Variants in ZNF385D observed in about 807,000 individuals in gnomAD.
ZNF385D encodes zinc finger protein 385D, also known as zinc finger protein 659.
In ZNF385D, 15 loss-of-function variants were observed where a neutral mutation model predicts 35.8. The ratio of observed to expected loss-of-function variants is 0.42; its 90% CI spans 0.28 to 0.64. The LOEUF is 0.64. ZNF385D is among the 30% of genes least tolerant of loss of function. The pLI, the probability that ZNF385D is intolerant of heterozygous loss-of-function variation, is 0.23. For synonymous variants in ZNF385D, 212 were observed against 186.8 expected, an observed-to-expected ratio of 1.13 and a Z score of -1.10; for missense variants, 474 against 494.6, an observed-to-expected ratio of 0.96 and a Z score of 0.39.
intron 1 of ZNF385D, among the ~76,000 whole-genome samples, chr3:21,667,399 C>T (rs1165906242): frequency 6.6e-6 from 1 of 152,070 alleles, no homozygotes; most frequent in East Asian, 1.9e-4. Flanking sequence ...TGAGCTCAAG[C>T]AATCCACCCA....
chr3:21,939,676 T>A (rs898361518), intron 3 of ZNF385D, among the ~76,000 whole-genome samples: 1 of 152,170 alleles, frequency 6.6e-6, no homozygotes, highest in Non-Finnish European at 1.5e-5. Flanking sequence ...ATTAGAAATG[T>A]CTTAAAACAA....
chr3:22,017,777 T>C (rs765878697), intron 3 of ZNF385D, among the ~76,000 whole-genome samples: 1 of 151,990 alleles, frequency 6.6e-6, no homozygotes, highest in Non-Finnish European at 1.5e-5. Context: ...TAGCACACCT[T>C]GTTTCTAACA....
chr3:21,913,990 C>T (rs1341205064), intron 3 of ZNF385D, among the ~76,000 whole-genome samples: 1 of 152,024 alleles, frequency 6.6e-6, no homozygotes, highest in Non-Finnish European at 1.5e-5. Flanking sequence ...AGATTTGCAG[C>T]TTGTTTGGTT....
intron 3 of ZNF385D, among the ~76,000 whole-genome samples, chr3:21,980,610 T>C (rs192114083): frequency 4.6e-5 from 7 of 152,156 alleles, no homozygotes; most frequent in South Asian, 2.1e-4. Context: ...TATGAAAATT[T>C]TGTTACATAA....
chr3:21,647,675 G>A (rs1012595543), intron 2 of ZNF385D, among the ~76,000 whole-genome samples: 5 of 152,102 alleles, frequency 3.3e-5, no homozygotes, highest in African/African-American at 1.2e-4. Flanking sequence ...GGTAAAATAT[G>A]TTTCTCCCTT....
chr3:22,123,922 ATCTCTCTCTC>A lies in ZNF385D; in HGVS notation c.325+44885_325+44894del, dbSNP rs34781505. On this transcript the variant is annotated intron_variant, in intron 3 of 5. Coordinates refer to the ZNF385D transcript ENST00000494108. ...AAAACAAAAACTAGAGCTAGACTCC[ATCTCTCTCTC>A]TCTCTCTCTCTCTCTCTCTCTCTCT... 3.6e-3 allele frequency among the ~76,000 whole-genome samples: 285 copies of A among 80,234 alleles called. 1 individual carries two copies. Among genetic ancestry groups the A allele is most frequent in the Non-Finnish European group, 4.0e-3 (173 of 42,918 alleles). 52.6% of individuals were successfully genotyped at this position (80,234 alleles called of 152,430 possible). A position where few individuals can be genotyped will look rare whatever the true frequency, so the allele number is the denominator to read the frequency against.
intron 2 of ZNF385D, among the ~76,000 whole-genome samples, chr3:22,306,015 G>A (rs143327582): frequency 3.9e-5 from 6 of 152,238 alleles, no homozygotes; most frequent in African/African-American, 1.2e-4. Flanking sequence ...GTTTCTCCTT[G>A]GAGGGCAAAT....
At chr3:21,486,303 A>T (rs1005508868) in intron 4 of ZNF385D, among the ~76,000 whole-genome samples, 5 of 147,378 alleles carry the variant, frequency 3.4e-5, no homozygotes. Flanking sequence ...GCATTAATTT[A>T]TAACTACATA....
chr3:21,636,996 T>C (rs1426300502), intron 2 of ZNF385D, among the ~76,000 whole-genome samples: 2 of 152,096 alleles, frequency 1.3e-5, no homozygotes, highest in Non-Finnish European at 2.9e-5. Flanking sequence ...ATTCTGGATA[T>C]TAGTCCTTTG....
intron 2 of ZNF385D, among the ~76,000 whole-genome samples, chr3:22,240,905 G>A (rs1699458736): frequency 6.6e-6 from 1 of 150,792 alleles, no homozygotes; most frequent in African/African-American, 2.5e-5. Flanking sequence ...TTAAGTACAT[G>A]CTTCTTTTGA....
intron 3 of ZNF385D, among the ~76,000 whole-genome samples, chr3:21,913,928 C>A (rs1034979487): frequency 1.3e-5 from 2 of 152,090 alleles, no homozygotes; most frequent in Non-Finnish European, 2.9e-5. Flanking sequence ...CACATTAATG[C>A]AAGCCCTGAA....
intron 2 of ZNF385D, among the ~76,000 whole-genome samples, chr3:22,299,632 A>T (rs1417155502): frequency 6.6e-6 from 1 of 151,864 alleles, no homozygotes; most frequent in Non-Finnish European, 1.5e-5. Flanking sequence ...AAGTTTCAGG[A>T]TAGAAAATCA....
chr3:21,477,023 G>C, intron 4 of ZNF385D, among the ~76,000 whole-genome samples: 1 of 152,072 alleles, frequency 6.6e-6, no homozygotes, highest in Non-Finnish European at 1.5e-5. Flanking sequence ...CTTCCTTCCA[G>C]CCTACAATAT....
At chr3:22,126,995 C>A (rs1038245016) in intron 3 of ZNF385D, among the ~76,000 whole-genome samples, 1 of 152,108 alleles carries the variant, frequency 6.6e-6, no homozygotes, top group Non-Finnish European at 1.5e-5. Context: ...TATAGTTATT[C>A]CTGTTCTTTT....
intron 2 of ZNF385D, among the ~76,000 whole-genome samples, chr3:22,266,659 A>C (rs1241962073): frequency 6.6e-6 from 1 of 151,930 alleles, no homozygotes; most frequent in Non-Finnish European, 1.5e-5. Flanking sequence ...GTGCAATGGA[A>C]ATTTTCTATT....
At chr3:22,317,845 G>A (rs553598727) in intron 2 of ZNF385D, among the ~76,000 whole-genome samples, 2 of 152,262 alleles carry the variant, frequency 1.3e-5, no homozygotes, top group South Asian at 4.1e-4. Context: ...CAGATTGCTT[G>A]AGGCCAGGAG....
At chr3:22,008,122 A>AT (rs566917492) in intron 3 of ZNF385D, among the ~76,000 whole-genome samples, 3 of 151,976 alleles carry the variant, frequency 2.0e-5, no homozygotes, top group Non-Finnish European at 4.4e-5. Context: ...CTTTATTATT[A>AT]TTTTTTAAAC....
At chr3:22,371,180 G>C (rs569811849) in intron 2 of ZNF385D, among the ~76,000 whole-genome samples, 1 of 152,146 alleles carries the variant, frequency 6.6e-6, no homozygotes, top group Non-Finnish European at 1.5e-5. Context: ...TGAATTACCA[G>C]CATAGGCCAA....
At chr3:21,927,843 C>A (rs146209142) in intron 3 of ZNF385D, among the ~76,000 whole-genome samples, 2 of 152,072 alleles carry the variant, frequency 1.3e-5, no homozygotes, top group African/African-American at 4.8e-5. Context: ...TACAAATGAG[C>A]GATTCAATGA....
Sources: allele counts gnomAD v4.1 joint callset (sites outside exome capture counted in the v4.1 genomes callset), GRCh38; gene constraint gnomAD v4.1.1; transcripts MANE v1.5; gene names NCBI Gene and HGNC (gene_info 2026-07-23, HGNC 2026-07-21).